SCN8A: variants seen among roughly 807,000 people sequenced by gnomAD.
The protein encoded by SCN8A is sodium voltage-gated channel alpha subunit 8.
Under a neutral mutation model 184.1 loss-of-function variants are expected in SCN8A, and 30 were observed. The observed-to-expected ratio is 0.16, with a 90% confidence interval of 0.12 to 0.22. The LOEUF (loss-of-function observed/expected upper bound fraction) is 0.22, where lower values mean the gene tolerates loss of function less well. SCN8A is among the 10% of genes least tolerant of loss of function. SCN8A has a pLI of 1.00. For synonymous variants in SCN8A, 852 were observed against 907.0 expected (o/e 0.94, Z 1.09); for missense variants, 1,057 against 2,498.9 (o/e 0.42, Z 12.30).
intron 13 of SCN8A, among the ~76,000 whole-genome samples, chr12:51,750,288 T>C (rs303779): frequency 0.75 from 113,562 of 152,036 alleles, 44,744 homozygotes; most frequent in East Asian, 0.91. Context: ...GAGATCTTGT[T>C]TGACAATAAC....
At chr12:51,772,479 G>C (rs889732581) in intron 19 of SCN8A, among the ~76,000 whole-genome samples, 3 of 152,054 alleles carry the variant, frequency 2.0e-5, no homozygotes, top group Non-Finnish European at 4.4e-5. Flanking sequence ...GGACTAAAGA[G>C]GGTGGGGATT....
chr12:51,668,676 A>G (rs945921693), intron 2 of SCN8A, among the ~76,000 whole-genome samples: 1 of 152,182 alleles, frequency 6.6e-6, no homozygotes, highest in African/African-American at 2.4e-5. Context: ...TCTCAAGTCA[A>G]GGAGCTCTGA....
At chr12:51,614,403 C>T (rs12099968) in intron 1 of SCN8A, among the ~76,000 whole-genome samples, 5,618 of 152,084 alleles carry the variant, frequency 0.037, 343 homozygotes, top group African/African-American at 0.13. Flanking sequence ...AATCATCCTA[C>T]CTTTCTGTCG....
chr12:51,750,721 T>C (rs1047959118), intron 13 of SCN8A, among the ~76,000 whole-genome samples: 1 of 152,218 alleles, frequency 6.6e-6, no homozygotes, highest in African/African-American at 2.4e-5. Flanking sequence ...ATTTTAGCTC[T>C]TTAATTCTCA....
chr12:51,626,075 C>T (rs192828399), intron 1 of SCN8A, among the ~76,000 whole-genome samples: 8 of 152,218 alleles, frequency 5.3e-5, no homozygotes, highest in Non-Finnish European at 7.4e-5. Context: ...GCAGAAGGAG[C>T]GAGGGGAAAG....
intron 2 of SCN8A, among the ~76,000 whole-genome samples, chr12:51,675,502 G>C (rs1350414551): frequency 1.3e-5 from 2 of 152,186 alleles, no homozygotes; most frequent in Non-Finnish European, 2.9e-5. Flanking sequence ...AAGTTATTAA[G>C]TAGAGGAGAT....
chr12:51,648,425 A>G (rs183922376), intron 1 of SCN8A, among the ~76,000 whole-genome samples: 1 of 152,208 alleles, frequency 6.6e-6, no homozygotes, highest in Non-Finnish European at 1.5e-5. Context: ...TTATTAAGCC[A>G]CTTTCTCTAT....
intron 11 of SCN8A, chr12:51,712,754 TACTATAACCAGGACC>T: frequency 8.7e-7 from 1 of 1,147,256 alleles, no homozygotes; most frequent in Non-Finnish European, 1.3e-6. Context: ...CCCCCTCTAC[TACTATAACCAGGACC>T]ACCAGCATAG....
At chr12:51,655,313 A>G (rs547167605) in intron 1 of SCN8A, among the ~76,000 whole-genome samples, 75 of 151,642 alleles carry the variant, frequency 4.9e-4, no homozygotes, top group African/African-American at 1.7e-3. Flanking sequence ...TTCATGCCGT[A>G]TCCCTTAATT....
intron 1 of SCN8A, among the ~76,000 whole-genome samples, chr12:51,645,591 T>C (rs1488762141): frequency 6.6e-6 from 1 of 152,094 alleles, no homozygotes; most frequent in Non-Finnish European, 1.5e-5. Context: ...ATGGGAGACT[T>C]TTCATTTTGT....
intron 12 of SCN8A, among the ~76,000 whole-genome samples, chr12:51,745,081 G>A (rs1031409395): frequency 6.6e-6 from 1 of 152,174 alleles, no homozygotes; most frequent in African/African-American, 2.4e-5. Flanking sequence ...ATGTGGAATA[G>A]TCACAAGAAC....
chr12:51,778,149 A>AT (rs1937769322), intron 20 of SCN8A, among the ~76,000 whole-genome samples: 2 of 152,170 alleles, frequency 1.3e-5, no homozygotes, highest in Admixed American at 6.5e-5. Context: ...TTTCATGAAA[A>AT]TTAGGGTAGC....
At chr12:51,605,233 C>T (rs997737598) in intron 1 of SCN8A, among the ~76,000 whole-genome samples, 5 of 151,410 alleles carry the variant, frequency 3.3e-5, no homozygotes, top group Non-Finnish European at 2.9e-5. Flanking sequence ...GTACACACTG[C>T]ACCATATTTG....
chr12:51,774,194 C>T lies in SCN8A; in HGVS notation c.3651C>T (p.Phe1217=), dbSNP rs748846878. Residue 1217 remains phenylalanine, a synonymous_variant, in exon 20 of 27, where the codon TTC becomes TTT. Transcript: ENST00000627620. The stretch of plus-strand genomic sequence containing the variant: ...AGCTGCTGCCTCTCTTTTAGGCCTT[C>T]GAGGACATCTACATTGAGCAGAGAA... ...MILLSSGALA[F]EDIYIEQRKT... 3.7e-6 allele frequency: 6 copies of T among 1,613,284 alleles called. No individual in the cohort carries two copies. Among genetic ancestry groups the T allele is most frequent in the East Asian group, 2.2e-5 (1 of 44,844 alleles).
intron 16 of SCN8A, among the ~76,000 whole-genome samples, chr12:51,768,540 A>G (rs776048768): frequency 6.6e-6 from 1 of 152,040 alleles, no homozygotes; most frequent in Non-Finnish European, 1.5e-5. Flanking sequence ...TCACCTTTTT[A>G]TTTTGGGGAA....
At chr12:51,721,995 T>C (rs778510680) in intron 12 of SCN8A, 87 bp downstream of exon 12, 84 of 1,584,908 alleles carry the variant, frequency 5.3e-5, no homozygotes, top group Non-Finnish European at 6.7e-5. Flanking sequence ...CCCCCGCTCC[T>C]TCCCCTCCTC....
intron 1 of SCN8A, among the ~76,000 whole-genome samples, chr12:51,648,884 C>T (rs1440445312): frequency 2.0e-5 from 3 of 152,192 alleles, no homozygotes; most frequent in African/African-American, 7.2e-5. Flanking sequence ...AAAGTCTTAA[C>T]TCATTTCAGC....
At chr12:51,735,879 A>G (rs58826621) in intron 12 of SCN8A, among the ~76,000 whole-genome samples, 12,180 of 152,144 alleles carry the variant, frequency 0.08, 902 homozygotes, top group African/African-American at 0.19. Flanking sequence ...ACCCCAAGTT[A>G]TTATTTTACC....
In SCN8A at chr12:51,777,282, G is replaced by T. The variant is rs569062204; in HGVS notation, c.3819+2920G>T. On this transcript the variant is annotated intron_variant, in intron 20 of 26. Coordinates refer to ENST00000627620, the MANE Select transcript of SCN8A (RefSeq NM_001330260.2). ...TTTTTCATTTTTAAAATTTTTTTAG[G>T]TAGGTCTCACCCTGCTGCCCAGGCT... is the stretch of plus-strand genomic sequence containing the variant. Among the ~76,000 whole-genome samples the T allele has an allele frequency of 6.0e-5, 9 of 150,604 alleles. No individual in the cohort carries two copies. The South Asian group carries it at 1.9e-3, about 32-fold the overall frequency.
Sources: gnomAD v4.1 joint callset for allele counts (sites outside exome capture counted in the v4.1 genomes callset) on GRCh38, gnomAD v4.1.1 for gene constraint, MANE v1.5 for transcripts, NCBI Gene and HGNC (gene_info 2026-07-23, HGNC 2026-07-21) for gene names.